Variants in ELK3 observed in about 807,000 individuals in gnomAD.
The protein encoded by ELK3 is ETS transcription factor ELK3.
Under a neutral mutation model 28.9 loss-of-function variants are expected in ELK3, and 10 were observed. The ratio of observed to expected loss-of-function variants is 0.35; its 90% CI spans 0.21 to 0.59. ELK3 has a LOEUF of 0.59. ELK3 is among the 20% of genes least tolerant of loss of function. The pLI, the probability that ELK3 is intolerant of heterozygous loss-of-function variation, is 0.82. For missense variants in ELK3, 463 were observed against 517.3 expected (o/e 0.90, Z 1.02); for synonymous variants, 272 against 243.5 (o/e 1.12, Z -1.09).
At chr12:96,240,074 G>A (rs987201694) in intron 2 of ELK3, among the ~76,000 whole-genome samples, 2 of 152,168 alleles carry the variant, frequency 1.3e-5, no homozygotes, top group African/African-American at 2.4e-5. Flanking sequence ...AGTGCTGGCC[G>A]TGTTAGGCAC....
chr12:96,206,476 C>T (rs1348892374), intron 1 of ELK3, among the ~76,000 whole-genome samples: 1 of 152,098 alleles, frequency 6.6e-6, no homozygotes, highest in Admixed American at 6.6e-5. Context: ...GCCACCATGC[C>T]CAGCTAATTT....
chr12:96,248,196 T>C (rs1202138893), intron 3 of ELK3, among the ~76,000 whole-genome samples: 1 of 152,200 alleles, frequency 6.6e-6, no homozygotes, highest in Non-Finnish European at 1.5e-5. Context: ...CATGTCAGTG[T>C]GGAGCTGTGG....
At chr12:96,243,465 A>G (rs1951835284) in intron 2 of ELK3, among the ~76,000 whole-genome samples, 1 of 152,156 alleles carries the variant, frequency 6.6e-6, no homozygotes, top group Non-Finnish European at 1.5e-5. Flanking sequence ...GCTCATGCCT[A>G]TAATCCCAGC....
At position 96,247,514 on chromosome 12, in the gene ELK3, T is replaced by A; in HGVS notation, c.782T>A (p.Leu261Gln). Reference protein sequence around the residue: ...PLPSEHRSLFLEAACHDSDSL... With the variant: ...PLPSEHRSLFQEAACHDSDSL... ...CCTTCTGAACACAGAAGCCTCTTCC[T>A]GGAGGCCGCCTGCCATGACTCCGAT... Residue 261 changes from leucine (L) to glutamine (Q), a missense_variant, in exon 3 of 5, where the codon CTG becomes CAG. By Grantham distance (113) the Leu-to-Gln change is moderately radical. Coordinates refer to ENST00000228741, the MANE Select transcript of ELK3 (RefSeq NM_005230.4). This position sits in a 1 kb window ranked among gnomAD's most constrained non-coding sequence, Gnocchi z 5.5. 4.3e-6 allele frequency: 7 copies of A among 1,613,570 alleles called. No homozygotes were observed. The highest frequency in any genetic ancestry group is 5.9e-6 in the Non-Finnish European group (7 of 1,179,928).
At chr12:96,236,729 C>T (rs899194393) in intron 2 of ELK3, among the ~76,000 whole-genome samples, 4 of 152,222 alleles carry the variant, frequency 2.6e-5, no homozygotes, top group African/African-American at 7.2e-5. Flanking sequence ...TCCTCTGCCT[C>T]GCTGAACAGA....
At chr12:96,213,702 G>A (rs1395824791) in intron 1 of ELK3, 1 of 152,156 alleles carries the variant, frequency 6.6e-6, no homozygotes, top group African/African-American at 2.4e-5. Flanking sequence ...GGTTGTCAGT[G>A]ATTTCCTCTG....
chr12:96,210,456 T>C (rs1184056169), intron 1 of ELK3, among the ~76,000 whole-genome samples: 1 of 152,164 alleles, frequency 6.6e-6, no homozygotes, highest in East Asian at 1.9e-4. Flanking sequence ...TCATGATTCG[T>C]TTCGTGATGT....
At position 96,247,900 on chromosome 12, in the gene ELK3, A is replaced by G. The variant is rs1272143678; in HGVS notation, c.1002+166A>G. Among the ~76,000 whole-genome samples, 2 of 152,150 alleles carry G rather than the reference A, an allele frequency of 1.3e-5. No individual in the cohort carries two copies. On this transcript the variant is annotated intron_variant, in intron 3 of 4. Coordinates refer to ENST00000228741, the MANE Select transcript of ELK3 (RefSeq NM_005230.4). This position sits in a 1 kb window ranked among gnomAD's most constrained non-coding sequence, Gnocchi z 5.5. ...GAAGCTGCTTTTCCATCCTCAGACC[A>G]AGGGGTGCACATGAGACAGGGTTTG...
At chr12:96,217,619 CTT>C (rs1951627892) in intron 1 of ELK3, among the ~76,000 whole-genome samples, 1 of 152,142 alleles carries the variant, frequency 6.6e-6, no homozygotes, top group Non-Finnish European at 1.5e-5. Context: ...ATTTAACCCT[CTT>C]TTGAAAATTA....
At chr12:96,259,981 C>A in intron 4 of ELK3, 128 bp downstream of exon 4, 1 of 1,290,226 alleles carries the variant, frequency 7.8e-7, no homozygotes, top group Non-Finnish European at 1.0e-6. Flanking sequence ...AGAGGGGGTT[C>A]ATGTTAGTGG....
chr12:96,231,668 T>C (rs1183877902), intron 2 of ELK3, among the ~76,000 whole-genome samples: 1 of 152,138 alleles, frequency 6.6e-6, no homozygotes, highest in African/African-American at 2.4e-5. Context: ...AGGTTTTGTA[T>C]TTTTAGTAGA....
intron 1 of ELK3, chr12:96,213,671 T>G (rs1273259403): frequency 1.3e-5 from 2 of 152,180 alleles, no homozygotes; most frequent in South Asian, 2.1e-4. Context: ...CACAGTAAAT[T>G]GCATATGTTG....
chr12:96,226,784 T>C (rs1396019503), intron 2 of ELK3, among the ~76,000 whole-genome samples: 1 of 151,910 alleles, frequency 6.6e-6, no homozygotes, highest in Non-Finnish European at 1.5e-5. Flanking sequence ...AGTTAGACTC[T>C]TAATACAGTT....
At chr12:96,252,376 T>C (rs1357177194) in intron 3 of ELK3, among the ~76,000 whole-genome samples, 2 of 152,220 alleles carry the variant, frequency 1.3e-5, no homozygotes, top group Non-Finnish European at 2.9e-5. Context: ...TCAAGTCTTA[T>C]TACTTAATAA....
rs1485631222 is a variant in ELK3, at chr12:96,268,823, G to C, written c.*1643G>C. The C allele has an allele frequency of 6.6e-6, 1 of 152,168 alleles. No individual in the cohort carries two copies. Among genetic ancestry groups the C allele is most frequent in the Non-Finnish European group, 1.5e-5 (1 of 68,030 alleles). 9.4% of individuals were successfully genotyped at this position (152,168 alleles called of 1,614,324 possible). ...GGAATTGAGCATCTCTGTATGTGGG[G>C]ATGTGGGCCCTTATCAAGGGATAAA... is the stretch of plus-strand genomic sequence containing the variant. On this transcript the variant is annotated 3_prime_UTR_variant, in exon 5 of 5. Coordinates refer to ENST00000228741, the MANE Select transcript of ELK3 (RefSeq NM_005230.4).
intron 4 of ELK3, among the ~76,000 whole-genome samples, chr12:96,265,196 G>A (rs1952020956): frequency 6.6e-6 from 1 of 152,160 alleles, no homozygotes; most frequent in Admixed American, 6.5e-5. Context: ...CATGGGAGAA[G>A]AGCCTAATAA....
At chr12:96,242,459 C>T (rs1472177687) in intron 2 of ELK3, among the ~76,000 whole-genome samples, 1 of 152,236 alleles carries the variant, frequency 6.6e-6, no homozygotes, top group Non-Finnish European at 1.5e-5. Context: ...GTGCTCAGCA[C>T]ATACTAGCTT....
At chr12:96,195,295 A>T (rs914187353) in intron 1 of ELK3, among the ~76,000 whole-genome samples, 5 of 151,782 alleles carry the variant, frequency 3.3e-5, no homozygotes, top group African/African-American at 1.2e-4. Context: ...GGCTGCGTCC[A>T]CTCTCGCTTG....
chr12:96,250,057 C>G (rs1277488071), intron 3 of ELK3, among the ~76,000 whole-genome samples: 1 of 152,112 alleles, frequency 6.6e-6, no homozygotes, highest in African/African-American at 2.4e-5. Context: ...GCATCTGGAC[C>G]CAGGGCAGGA....
Sources: gnomAD v4.1 joint callset for allele counts (sites outside exome capture counted in the v4.1 genomes callset) on GRCh38, gnomAD v4.1.1 for gene constraint, Gnocchi (gnomAD v3.1) non-coding constraint, MANE v1.5 for transcripts, NCBI Gene and HGNC (gene_info 2026-07-23, HGNC 2026-07-21) for gene names.